The following ASB4 variants were observed in gnomAD, a reference collection of about 807,000 sequenced individuals.
ASB4 encodes the protein ankyrin repeat and SOCS box protein 4.
In ASB4, 35 loss-of-function variants were observed where a neutral mutation model predicts 38.6. The ratio of observed to expected loss-of-function variants is 0.91; its 90% CI spans 0.69 to 1.20. The LOEUF (loss-of-function observed/expected upper bound fraction) is 1.20. Ranked by LOEUF, ASB4 falls within the 50% of genes most tolerant of loss-of-function variation. ASB4 has a pLI of 0.00. For missense variants in ASB4, 557 were observed against 527.2 expected, an observed-to-expected ratio of 1.06 and a Z score of -0.55; for synonymous variants, 195 against 201.3, an observed-to-expected ratio of 0.97 and a Z score of 0.26.
At chr7:95,506,538 C>T (rs544783424) in intron 2 of ASB4, among the ~76,000 whole-genome samples, 2 of 152,304 alleles carry the variant, frequency 1.3e-5, no homozygotes, top group African/African-American at 4.8e-5. Context: ...GAGTAGAATT[C>T]TAGATTCATA....
upstream of ASB4, among the ~76,000 whole-genome samples, chr7:95,482,280 T>C (rs1790027139): frequency 1.3e-5 from 2 of 152,230 alleles, no homozygotes; most frequent in African/African-American, 4.8e-5. Flanking sequence ...TATTTATTTA[T>C]ATAGCTATGG....
Position 95,537,882 on chromosome 7 carries a change from A to G in ASB4, c.*123A>G. ...CACTTCAGGGATTTCAAAACACTTT[A>G]CAAACACTGCCATTAATCCTAGAAT... On this transcript the variant is annotated 3_prime_UTR_variant, in exon 5 of 5. Coordinates refer to ENST00000325885, the MANE Select transcript of ASB4 (RefSeq NM_016116.3). 1 of 734,896 alleles carries G rather than the reference A, an allele frequency of 1.4e-6. No homozygotes were observed. The highest frequency in any genetic ancestry group is 2.7e-5 in the East Asian group (1 of 37,616). The allele number at this position is 734,896 out of a possible 1,614,324, so 45.5% of individuals were successfully genotyped here. A position where few individuals can be genotyped will look rare whatever the true frequency, so the allele number is the denominator to read the frequency against.
At chr7:95,471,251 A>C in the ASB4 span, among the ~76,000 whole-genome samples, 1 of 152,188 alleles carries the variant, frequency 6.6e-6, no homozygotes, top group African/African-American at 2.4e-5. Context: ...CCCCATGGAA[A>C]ACAGAGTTGG....
chr7:95,540,912 G>A (rs1790961947), downstream of ASB4, among the ~76,000 whole-genome samples: 1 of 152,168 alleles, frequency 6.6e-6, no homozygotes, highest in African/African-American at 2.4e-5. Flanking sequence ...ATCAATGTTG[G>A]AAAAGACAGC....
intron 1 of ASB4, among the ~76,000 whole-genome samples, chr7:95,486,910 T>C (rs1790099061): frequency 6.6e-6 from 1 of 152,206 alleles, no homozygotes; most frequent in Non-Finnish European, 1.5e-5. Context: ...CCACTGATTC[T>C]GATTTCCCAA....
intron 1 of ASB4, among the ~76,000 whole-genome samples, chr7:95,490,772 G>A (rs1249144557): frequency 6.6e-6 from 1 of 152,218 alleles, no homozygotes; most frequent in Non-Finnish European, 1.5e-5. Flanking sequence ...CCCAGCTATT[G>A]GGGCATATCT....
chr7:95,515,329 C>CT (rs1343983466), intron 2 of ASB4, among the ~76,000 whole-genome samples: 44 of 129,104 alleles, frequency 3.4e-4, no homozygotes, highest in African/African-American at 1.1e-3. Flanking sequence ...TCCTTCCTTC[C>CT]TTCCTTTCTT....
chr7:95,510,822 A>G (rs1790469246), intron 2 of ASB4, among the ~76,000 whole-genome samples: 1 of 152,174 alleles, frequency 6.6e-6, no homozygotes, highest in Non-Finnish European at 1.5e-5. Flanking sequence ...TTGTTTTATA[A>G]CTGGAAGCAT....
At chr7:95,522,685 A>T (rs1428448565) in intron 2 of ASB4, among the ~76,000 whole-genome samples, 4 of 152,174 alleles carry the variant, frequency 2.6e-5, no homozygotes, top group Non-Finnish European at 4.4e-5. Flanking sequence ...TTTTCAAGAA[A>T]TCAAGACCAT....
chr7:95,536,034 A>G (rs1790884754), intron 3 of ASB4, among the ~76,000 whole-genome samples: 1 of 152,198 alleles, frequency 6.6e-6, no homozygotes, highest in African/African-American at 2.4e-5. Flanking sequence ...AAGGCAAAGT[A>G]ATTCTTCAAT....
chr7:95,541,346 G>C (rs925412875), downstream of ASB4, among the ~76,000 whole-genome samples: 1 of 152,168 alleles, frequency 6.6e-6, no homozygotes, highest in East Asian at 1.9e-4. Context: ...CATTTTATTG[G>C]TATTAATGTC....
upstream of ASB4, among the ~76,000 whole-genome samples, chr7:95,485,079 C>A (rs1790070572): frequency 6.7e-6 from 1 of 148,658 alleles, no homozygotes; most frequent in African/African-American, 2.6e-5. Context: ...TATACACATA[C>A]ACACACATCT....
chr7:95,470,694 C>A, the ASB4 span, among the ~76,000 whole-genome samples: 1 of 152,106 alleles, frequency 6.6e-6, no homozygotes, highest in Non-Finnish European at 1.5e-5. Flanking sequence ...TTGGACAGGC[C>A]TGGCAGCTGT....
At chr7:95,528,764 TTTATTATGTATAA>T in intron 3 of ASB4, 2 of 900,064 alleles carry the variant, frequency 2.2e-6, no homozygotes, top group Non-Finnish European at 2.7e-6. Flanking sequence ...TAAAATTATA[TTTATTATGTATAA>T]TAAATAAGCA....
At chr7:95,506,666 CT>C (rs1790412864) in intron 2 of ASB4, among the ~76,000 whole-genome samples, 1 of 150,056 alleles carries the variant, frequency 6.7e-6, no homozygotes, top group South Asian at 2.1e-4. Context: ...TTTTATCTTC[CT>C]CTCTGGGGAA....
At chr7:95,547,381 A>G in the ASB4 span, among the ~76,000 whole-genome samples, 2 of 152,252 alleles carry the variant, frequency 1.3e-5, no homozygotes, top group Non-Finnish European at 2.9e-5. Flanking sequence ...TCACAAAAAC[A>G]GAATTATACA....
At chr7:95,521,796 A>AT (rs71828281) in intron 2 of ASB4, among the ~76,000 whole-genome samples, 22,051 of 151,968 alleles carry the variant, frequency 0.15, 1,712 homozygotes, top group South Asian at 0.19. Context: ...ATAATAGTAT[A>AT]TTTTTTAAAT....
intron 2 of ASB4, among the ~76,000 whole-genome samples, chr7:95,519,356 T>C (rs1180499634): frequency 6.6e-6 from 1 of 152,214 alleles, no homozygotes; most frequent in African/African-American, 2.4e-5. Context: ...CTTTGAATAA[T>C]AGATGTTTCT....
At position 95,536,511 on chromosome 7, in the gene ASB4, C is replaced by T. The variant is rs1188879951; in HGVS notation, c.1053C>T (p.Asn351=). 1 of 1,613,082 alleles carries T rather than the reference C, an allele frequency of 6.2e-7. No individual in the cohort carries two copies. Among genetic ancestry groups the T allele is most frequent in the South Asian group, 1.1e-5 (1 of 91,052 alleles). ...ATGCCTATGAACACATCAGATGGAA[C>T]ACAAAGTGGAGAAGAGCTATCCCCG... The part of the protein sequence containing the change: ...VVNAYEHIRW[N]TKWRRAIPDD... Residue 351 remains asparagine, a synonymous_variant, in exon 4 of 5, where the codon AAC becomes AAT. Transcript: ENST00000325885.
Sources: allele counts gnomAD v4.1 joint callset (sites outside exome capture counted in the v4.1 genomes callset), GRCh38; gene constraint gnomAD v4.1.1; transcripts MANE v1.5; gene names NCBI Gene and HGNC (gene_info 2026-07-23, HGNC 2026-07-21).